PARD6G: variants seen among roughly 807,000 people sequenced by gnomAD.
PARD6G encodes the protein par-6 family cell polarity regulator gamma, also known as partitioning defective 6 homolog gamma.
In PARD6G, 7 loss-of-function variants were observed where a neutral mutation model predicts 10.7. The ratio of observed to expected loss-of-function variants is 0.66; its 90% confidence interval spans 0.37 to 1.23. PARD6G has a LOEUF of 1.23. Among genes scored for constraint, PARD6G ranks in the 50% most tolerant of loss-of-function variants. PARD6G has a pLI of 0.02. For synonymous variants in PARD6G, 287 were observed against 269.4 expected, an observed-to-expected ratio of 1.07 and a Z score of -0.64; for missense variants, 548 against 571.8, an observed-to-expected ratio of 0.96 and a Z score of 0.42.
chr18:80,227,695 C>T (rs930033637), intron 1 of PARD6G, among the ~76,000 whole-genome samples: 5 of 152,352 alleles, frequency 3.3e-5, no homozygotes, highest in African/African-American at 9.6e-5. Context: ...GCAGGCACTG[C>T]GTCTGTTGCA....
chr18:80,203,019 C>T, intron 1 of PARD6G, 87 bp from the exon 2 acceptor site: 1 of 859,558 alleles, frequency 1.2e-6, no homozygotes, highest in African/African-American at 1.7e-5. Flanking sequence ...GTGTACTTAA[C>T]AAACAAGTAT....
In PARD6G at chr18:80,182,877, C is replaced by A; in HGVS notation, c.295+19833G>T. ...TAAATCTGATGTTATAGTTTTATTT[C>A]TTAGTTCTAGGTACAGGGCTAGATG... On this transcript the variant is annotated intron_variant, in intron 2 of 2. Transcript: ENST00000353265. This position sits in a 1 kb window ranked among gnomAD's most constrained non-coding sequence, Gnocchi z 4.5. The A allele has an allele frequency of 2.1e-6, 1 of 479,996 alleles. No homozygotes were observed. The highest frequency in any genetic ancestry group is 2.0e-5 in the African/African-American group (1 of 51,158). 29.7% of individuals were successfully genotyped at this position (479,996 alleles called of 1,614,324 possible). A position where few individuals can be genotyped will look rare whatever the true frequency, so the allele number is the denominator to read the frequency against.
rs112444270 is a variant in PARD6G at position 80,200,067 on chromosome 18, C to T, written c.295+2643G>A. On this transcript the variant is annotated intron_variant, in intron 2 of 2. Coordinates refer to ENST00000353265, the MANE Select transcript of PARD6G (RefSeq NM_032510.4). This position sits in a 1 kb window ranked among gnomAD's most constrained non-coding sequence, Gnocchi z 4.4. ...AACATATATTTAAATAAAATACGTC[C>T]GTGTACAGAAAGTTATTAAGTAAAT... is the stretch of plus-strand genomic sequence containing the variant. Among the ~76,000 whole-genome samples, 3 of 152,086 alleles carry T rather than the reference C, an allele frequency of 2.0e-5. No individual in the cohort carries two copies. Among genetic ancestry groups the T allele is most frequent in the Non-Finnish European group, 4.4e-5 (3 of 68,030 alleles).
chr18:80,196,395 G>A (rs1966956449), intron 2 of PARD6G, among the ~76,000 whole-genome samples: 1 of 152,178 alleles, frequency 6.6e-6, no homozygotes, highest in Non-Finnish European at 1.5e-5. Context: ...GTTTTAAACA[G>A]AAGAGCTTTT....
At chr18:80,177,218 G>GCACACACACACACACA (rs35217634) in intron 2 of PARD6G, among the ~76,000 whole-genome samples, 19 of 98,784 alleles carry the variant, frequency 1.9e-4, no homozygotes, top group Admixed American at 2.3e-4. Flanking sequence ...AATGGGAAGC[G>GCACACACACACACACA]CACACACACA....
At chr18:80,211,193 C>T (rs1270870465) in intron 1 of PARD6G, among the ~76,000 whole-genome samples, 1 of 151,968 alleles carries the variant, frequency 6.6e-6, no homozygotes, top group Non-Finnish European at 1.5e-5. Context: ...AAATTAGATG[C>T]CAATTTAAAA....
At chr18:80,207,743 A>C (rs1967067225) in intron 1 of PARD6G, among the ~76,000 whole-genome samples, 1 of 152,232 alleles carries the variant, frequency 6.6e-6, no homozygotes, top group Admixed American at 6.5e-5. Flanking sequence ...TAAACAACTT[A>C]AAAATATTTT....
chr18:80,247,394 G>C lies in PARD6G; in HGVS notation c.-46C>G. 1 of 1,477,786 alleles carries C rather than the reference G, an allele frequency of 6.8e-7. No homozygotes were observed. The highest frequency in any genetic ancestry group is 9.1e-7 in the Non-Finnish European group (1 of 1,096,786). 91.5% of individuals were successfully genotyped at this position (1,477,786 alleles called of 1,614,324 possible). A position where few individuals can be genotyped will look rare whatever the true frequency, so the allele number is the denominator to read the frequency against. ...TCGCCGTCGCCCTCGCTCCTCAGGG[G>C]CCGCAGAAAGACTCCCGGGGGCGGC... On this transcript the variant is annotated 5_prime_UTR_variant, in exon 1 of 3. Transcript: ENST00000353265. This position sits in a 1 kb window ranked among gnomAD's most constrained non-coding sequence, Gnocchi z 4.2.
In PARD6G at chr18:80,160,528, CCTT is replaced by C; in HGVS notation, c.371_373del (p.Glu124del). 1 of 1,514,358 alleles carries C rather than the reference CCTT, an allele frequency of 6.6e-7. No homozygotes were observed. Among genetic ancestry groups the C allele is most frequent in the African/African-American group, 1.4e-5 (1 of 72,338 alleles). 93.8% of individuals were successfully genotyped at this position (1,514,358 alleles called of 1,614,324 possible). ...GTCCAGGTGTGCACGCCGCCGGGGTCCTTCATCACGCAGCGCGCCCAGCGCCCG... is the reference window on the plus strand; with the variant it reads ...GTCCAGGTGTGCACGCCGCCGGGGTCCATCACGCAGCGCGCCCAGCGCCCG... On this transcript the variant is annotated inframe_deletion, in exon 3 of 3. Transcript: ENST00000353265.
rs778983002 is a variant in PARD6G, at chr18:80,160,259, C to G, written c.643G>C (p.Glu215Gln). 1 of 1,612,908 alleles carries G rather than the reference C, an allele frequency of 6.2e-7. No homozygotes were observed. The highest frequency in any genetic ancestry group is 1.1e-5 in the South Asian group (1 of 91,086). The change falls in exon 3 of 3, where the codon GAG becomes CAG. Residue 215 changes from glutamate to glutamine, a missense_variant. Glu to Gln is a conservative substitution (Grantham distance 29). Transcript: ENST00000353265. ...TCAATGCCGTTCACCTCCAGGACCT[C>G]GTCATTCACAGCCAGCAGCCCGGTG... ...ESTGLLAVND[E>Q]VLEVNGIEVA...
intron 1 of PARD6G, among the ~76,000 whole-genome samples, chr18:80,232,492 G>A (rs1967369467): frequency 6.6e-6 from 1 of 152,092 alleles, no homozygotes. Context: ...CTTCTTACAT[G>A]GTGGCAGCAA....
Position 80,160,615 on chromosome 18 carries a change from G to C in PARD6G, c.296-9C>G. The C allele has an allele frequency of 6.9e-7, 1 of 1,439,484 alleles. No individual in the cohort carries two copies. The allele number at this position is 1,439,484 out of a possible 1,614,324, so 89.2% of individuals were successfully genotyped here. On this transcript the variant is annotated splice_polypyrimidine_tract_variant and intron_variant, in intron 2 of 2. Coordinates refer to ENST00000353265, the MANE Select transcript of PARD6G (RefSeq NM_032510.4). The stretch of plus-strand genomic sequence containing the variant: ...GCCACGCTCGGCCTCCTCTGCGGGA[G>C]AGGGGACAGTTAGAGGGGACACACA...
chr18:80,186,192 T>TCA (rs1230398748), intron 2 of PARD6G, among the ~76,000 whole-genome samples: 1 of 118,442 alleles, frequency 8.4e-6, no homozygotes, highest in African/African-American at 3.3e-5. Flanking sequence ...ACATGCACCC[T>TCA]CACACACGCA....
At chr18:80,193,114 C>G (rs1966913450) in intron 2 of PARD6G, among the ~76,000 whole-genome samples, 1 of 152,148 alleles carries the variant, frequency 6.6e-6, no homozygotes, top group African/African-American at 2.4e-5. Flanking sequence ...CCAAGAGGCA[C>G]AGCCCCTCCT....
rs2052841895 is a variant in PARD6G, at chr18:80,180,339, A to AAG, written c.296-19734_296-19733insCT. Among the ~76,000 whole-genome samples, 1 of 152,200 alleles carries AAG rather than the reference A, an allele frequency of 6.6e-6. No individual in the cohort carries two copies. Among genetic ancestry groups the AAG allele is most frequent in the Non-Finnish European group, 1.5e-5 (1 of 68,020 alleles). ...GTGGGCAGCGACAGCTGGGGCCGGCAGGTGAGGACACGCAGCTGGGAGGGG... is the reference window on the plus strand; with the variant it reads ...GTGGGCAGCGACAGCTGGGGCCGGCAAGGGTGAGGACACGCAGCTGGGAGGGG... On this transcript the variant is annotated intron_variant, in intron 2 of 2. Transcript: ENST00000353265. This position sits in a 1 kb window ranked among gnomAD's most constrained non-coding sequence, Gnocchi z 5.6.
intron 2 of PARD6G, among the ~76,000 whole-genome samples, chr18:80,172,384 T>G (rs1568427888): frequency 6.6e-6 from 1 of 151,420 alleles, no homozygotes; most frequent in African/African-American, 2.4e-5. Flanking sequence ...TATGTCTTTT[T>G]TTTTTTTTTT....
chr18:80,212,478 G>T (rs1967118910), intron 1 of PARD6G, among the ~76,000 whole-genome samples: 1 of 152,206 alleles, frequency 6.6e-6, no homozygotes, highest in East Asian at 1.9e-4. Context: ...TGAACTGCAT[G>T]GTGGTGGGAG....
intron 2 of PARD6G, among the ~76,000 whole-genome samples, chr18:80,168,314 C>A (rs1547553): frequency 0.85 from 128,572 of 152,156 alleles, 54,496 homozygotes; most frequent in Non-Finnish European, 0.87. Flanking sequence ...AATATGAACC[C>A]TTGCATATGG....
chr18:80,173,257 G>A (rs906693704), intron 2 of PARD6G, among the ~76,000 whole-genome samples: 2 of 152,162 alleles, frequency 1.3e-5, no homozygotes, highest in Admixed American at 6.5e-5. Flanking sequence ...AAAGTTTGTC[G>A]TGGAGGACAA....
Sources: allele counts gnomAD v4.1 joint callset (sites outside exome capture counted in the v4.1 genomes callset), GRCh38; gene constraint gnomAD v4.1.1; non-coding constraint Gnocchi (gnomAD v3.1); transcripts MANE v1.5; gene names NCBI Gene and HGNC (gene_info 2026-07-23, HGNC 2026-07-21).